The following CREB5 variants were observed in gnomAD, a reference collection of about 807,000 sequenced individuals.
CREB5 encodes the protein cyclic AMP-responsive element-binding protein 5.
In CREB5, 19 loss-of-function variants were observed where a neutral mutation model predicts 57.1. The ratio of observed to expected loss-of-function variants is 0.33; its 90% CI spans 0.23 to 0.49. The LOEUF (loss-of-function observed/expected upper bound fraction) is 0.49, where lower values mean the gene tolerates loss of function less well. Among genes scored for constraint, CREB5 ranks in the 20% least tolerant of loss-of-function variants. The pLI is 0.99. For missense variants in CREB5, 579 were observed against 671.6 expected (o/e 0.86, Z 1.52); for synonymous variants, 238 against 238.3 (o/e 1.00, Z 0.01).
chr7:28,507,878 T>G (rs1035770340), intron 4 of CREB5, 141 bp downstream of exon 4: 4 of 1,060,240 alleles, frequency 3.8e-6, no homozygotes, highest in African/African-American at 1.6e-5. Flanking sequence ...TAATTTTTTT[T>G]AAAAGATTAC....
intron 1 of CREB5, among the ~76,000 whole-genome samples, chr7:28,320,478 G>A (rs539335750): frequency 6.6e-6 from 1 of 152,148 alleles, no homozygotes; most frequent in Non-Finnish European, 1.5e-5. Flanking sequence ...TTCAAGCTCC[G>A]CTTTACCAGG....
intron 1 of CREB5, among the ~76,000 whole-genome samples, chr7:28,326,151 CA>C (rs1562657784): frequency 6.8e-6 from 1 of 147,024 alleles, no homozygotes; most frequent in African/African-American, 2.5e-5. Flanking sequence ...TACACACACA[CA>C]TTATCTATCT....
At chr7:28,727,930 CTGTT>C (rs112375352) in intron 7 of CREB5, among the ~76,000 whole-genome samples, 26,497 of 151,078 alleles carry the variant, frequency 0.18, 2,442 homozygotes, top group Middle Eastern at 0.2. Context: ...GATATTGTCC[CTGTT>C]TGTTTGTTTG....
At chr7:28,788,611 G>A (rs1056555963) in intron 7 of CREB5, among the ~76,000 whole-genome samples, 1 of 152,140 alleles carries the variant, frequency 6.6e-6, no homozygotes, top group Non-Finnish European at 1.5e-5. Context: ...CAAAGTAAAC[G>A]CTTAGCAAAT....
At chr7:28,307,711 G>A (rs1158247667) in intron 1 of CREB5, among the ~76,000 whole-genome samples, 2 of 152,208 alleles carry the variant, frequency 1.3e-5, no homozygotes, top group Non-Finnish European at 2.9e-5. Context: ...TTGCAAACAT[G>A]TATTTGCTGA....
chr7:28,467,426 GA>G (rs1443515393), intron 1 of CREB5, among the ~76,000 whole-genome samples: 1 of 152,156 alleles, frequency 6.6e-6, no homozygotes, highest in Non-Finnish European at 1.5e-5. Context: ...TGCAGAGAAA[GA>G]AAAAGATGTA....
intron 5 of CREB5, among the ~76,000 whole-genome samples, chr7:28,658,720 G>A (rs540556915): frequency 7.9e-5 from 12 of 152,132 alleles, no homozygotes; most frequent in African/African-American, 2.9e-4. Context: ...AAATCAAGGG[G>A]TGATGGGAAG....
chr7:28,582,659 T>C (rs1436306674), intron 5 of CREB5, among the ~76,000 whole-genome samples: 2 of 152,238 alleles, frequency 1.3e-5, no homozygotes, highest in East Asian at 3.8e-4. Flanking sequence ...ACTAATTGAC[T>C]TAATTTTCAG....
intron 4 of CREB5, among the ~76,000 whole-genome samples, chr7:28,518,964 T>C (rs918408914): frequency 5.9e-5 from 9 of 152,202 alleles, no homozygotes; most frequent in African/African-American, 9.7e-5. Context: ...TTAGAATACA[T>C]CAAGATCTGA....
At chr7:28,450,354 C>G (rs1236258558) in intron 1 of CREB5, among the ~76,000 whole-genome samples, 3 of 152,130 alleles carry the variant, frequency 2.0e-5, no homozygotes, top group Admixed American at 6.5e-5. Context: ...GAAGGAAAAG[C>G]CTGGAAGATC....
upstream of CREB5, among the ~76,000 whole-genome samples, chr7:28,408,593 C>T (rs371445993): frequency 2.0e-5 from 3 of 152,126 alleles, no homozygotes; most frequent in African/African-American, 4.8e-5. Context: ...GCTCTGACGC[C>T]GTGTCTAAAT....
Position 28,317,556 on chromosome 7 carries a change from C to T in CREB5, c.-25+18115C>T, listed in dbSNP as rs562299213. Among the ~76,000 whole-genome samples the T allele has an allele frequency of 5.3e-5, 8 of 152,320 alleles. No individual in the cohort carries two copies. In the South Asian group the frequency reaches 1.7e-3, roughly 32 times the overall value. Reference sequence around the variant, plus strand: ...ACAGGAGCTAAAAGCAATGGATTTGCATTTATTCAGACAGACGTGGCTTAA... The same window carrying T: ...ACAGGAGCTAAAAGCAATGGATTTGTATTTATTCAGACAGACGTGGCTTAA... On this transcript the variant is annotated intron_variant, in intron 1 of 9. Transcript: ENST00000396299.
chr7:28,535,543 A>G (rs1461151550), intron 4 of CREB5, among the ~76,000 whole-genome samples: 1 of 151,814 alleles, frequency 6.6e-6, no homozygotes, highest in East Asian at 1.9e-4. Context: ...TTGTTTAAAA[A>G]CCCTGGATTT....
intron 1 of CREB5, among the ~76,000 whole-genome samples, chr7:28,461,233 A>C (rs1354370198): frequency 2.4e-5 from 1 of 41,016 alleles, no homozygotes; most frequent in East Asian, 4.3e-4. Context: ...CTGCCTCTGA[A>C]AAAAAAAAAA....
chr7:28,356,770 T>C (rs530568052), intron 1 of CREB5, among the ~76,000 whole-genome samples: 6 of 152,150 alleles, frequency 3.9e-5, no homozygotes, highest in Non-Finnish European at 8.8e-5. Context: ...AGGATGAGAA[T>C]TGACAAAGGG....
At chr7:28,602,604 A>G (rs1796962776) in intron 5 of CREB5, among the ~76,000 whole-genome samples, 1 of 152,220 alleles carries the variant, frequency 6.6e-6, no homozygotes, top group South Asian at 2.1e-4. Context: ...GGAAAAAGCC[A>G]ATCTCAAAAG....
chr7:28,783,567 A>G (rs1807120879), intron 7 of CREB5, among the ~76,000 whole-genome samples: 2 of 152,332 alleles, frequency 1.3e-5, no homozygotes, highest in East Asian at 3.9e-4. Context: ...AAATTAAAAA[A>G]AATAAAATTT....
intron 5 of CREB5, among the ~76,000 whole-genome samples, chr7:28,601,157 CTTA>C (rs1340346561): frequency 1.3e-5 from 2 of 151,240 alleles, no homozygotes; most frequent in African/African-American, 4.9e-5. Context: ...CTTCATTTCC[CTTA>C]TTATTATTAT....
chr7:28,699,140 T>C (rs1801720152), intron 5 of CREB5, among the ~76,000 whole-genome samples: 1 of 151,400 alleles, frequency 6.6e-6, no homozygotes, highest in Non-Finnish European at 1.5e-5. Flanking sequence ...CAAGGTTTGC[T>C]TCCTTCCTTC....
Sources: allele counts gnomAD v4.1 joint callset (sites outside exome capture counted in the v4.1 genomes callset), GRCh38; gene constraint gnomAD v4.1.1; transcripts MANE v1.5; gene names NCBI Gene and HGNC (gene_info 2026-07-23, HGNC 2026-07-21).